Variants in AIFM3 observed in about 807,000 individuals in gnomAD.
AIFM3 encodes the protein apoptosis-inducing factor 3.
Under a neutral mutation model 82.7 loss-of-function variants are expected in AIFM3, and 71 were observed. That is an observed-to-expected ratio of 0.86 (90% CI 0.71 to 1.05). The LOEUF (loss-of-function observed/expected upper bound fraction) is 1.05. AIFM3 is among the 50% of genes least tolerant of loss of function. The pLI, the probability that AIFM3 is intolerant of heterozygous loss-of-function variation, is 0.00. For missense variants in AIFM3, 748 were observed against 816.7 expected (o/e 0.92, Z 1.03); for synonymous variants, 337 against 329.1 (o/e 1.02, Z -0.26).
chr22:20,980,383 G>A, intron 19 of AIFM3: 1 of 596,618 alleles, frequency 1.7e-6, no homozygotes, highest in East Asian at 2.8e-5. Context: ...AAGGGGTCAG[G>A]GCCCAATGCA....
chr22:20,979,718 T>C lies in AIFM3; in HGVS notation c.1652+16T>C. 1 of 1,614,044 alleles carries C rather than the reference T, an allele frequency of 6.2e-7. No homozygotes were observed. The highest frequency in any genetic ancestry group is 1.3e-5 in the African/African-American group (1 of 75,028). ...TTTACACTAAGTGAGAGCACCGGGG[T>C]GCAGCTTGGCGCGAAGCAGCGGGAG... is the stretch of plus-strand genomic sequence containing the variant. On this transcript the variant is annotated intron_variant, in intron 18 of 20. Coordinates refer to ENST00000440238, the MANE Select transcript of AIFM3 (RefSeq NM_001386814.1).
intron 4 of AIFM3, 68 bp from the exon 5 acceptor site, chr22:20,973,995 C>T: frequency 6.6e-7 from 1 of 1,518,216 alleles, no homozygotes; most frequent in Non-Finnish European, 8.9e-7. Context: ...CCCGCAGTTG[C>T]CGGGGCACTG....
At chr22:20,974,467 G>A in intron 6 of AIFM3, 58 bp from the exon 7 acceptor site, 1 of 1,579,336 alleles carries the variant, frequency 6.3e-7, no homozygotes, top group African/African-American at 1.3e-5. Context: ...GGACCTGCCT[G>A]CCAGGATGAT....
chr22:20,970,195 A>G (rs878938), intron 2 of AIFM3, among the ~76,000 whole-genome samples: 4,958 of 152,104 alleles, frequency 0.033, 289 homozygotes, highest in Admixed American at 0.14. Flanking sequence ...CTGCTGCCCA[A>G]CTCCATCTAT....
intron 1 of AIFM3, 52 bp from the exon 2 acceptor site, chr22:20,967,753 G>A (rs1922990075): frequency 1.6e-5 from 10 of 615,894 alleles, no homozygotes. Context: ...GTCCCTCTGT[G>A]TCTCTACCTG....
At chr22:20,965,969 ACT>A (rs760161400), upstream of AIFM3, among the ~76,000 whole-genome samples, 1 of 152,070 alleles carries the variant, frequency 6.6e-6, no homozygotes, top group Non-Finnish European at 1.5e-5. Context: ...GGCGCTCTGC[ACT>A]CTGGGGGTCC....
chr22:20,979,336 A>G lies in AIFM3; in HGVS notation c.1543A>G (p.Thr515Ala), dbSNP rs777807240. ...GATGAGCACTGTGCCCTACCTCTGG[A>G]CCGCCATGTTTGGCAAGAGCCTGCG... The part of the protein sequence containing the change: ...AEMSTVPYLW[T>A]AMFGKSLRYA... Residue 515 changes from threonine to alanine, a missense_variant, in exon 17 of 21, where the codon ACC becomes GCC. Coordinates refer to ENST00000440238, the MANE Select transcript of AIFM3 (RefSeq NM_001386814.1). 6.4e-7 allele frequency: 1 copy of G among 1,551,628 alleles called. No individual in the cohort carries two copies. Among genetic ancestry groups the G allele is most frequent in the Non-Finnish European group, 8.7e-7 (1 of 1,148,178 alleles).
intron 6 of AIFM3, 65 bp from the exon 7 acceptor site, chr22:20,974,460 C>T: frequency 6.4e-7 from 1 of 1,571,492 alleles, no homozygotes; most frequent in South Asian, 1.2e-5. Flanking sequence ...AGCGCCAGGA[C>T]CTGCCTGCCA....
upstream of AIFM3, chr22:20,965,354 C>G (rs899022682): frequency 2.6e-5 from 4 of 151,974 alleles, no homozygotes; most frequent in Non-Finnish European, 4.4e-5. Flanking sequence ...GGTTGGCAAG[C>G]GGGGCCAGAG....
Position 20,974,081 on chromosome 22 carries a change from G to A in AIFM3, c.374G>A (p.Arg125Gln), listed in dbSNP as rs1466471433. ...PLVKGVLSRGRVRCPWHGACF... is the reference protein window; with the variant it reads ...PLVKGVLSRGQVRCPWHGACF... Reference sequence around the variant, plus strand: ...TTCCCAGGCGTTCTGTCCCGTGGTCGGGTGCGCTGCCCCTGGCACGGCGCC... The same window carrying A: ...TTCCCAGGCGTTCTGTCCCGTGGTCAGGTGCGCTGCCCCTGGCACGGCGCC... Residue 125 changes from arginine (R) to glutamine (Q), a missense_variant, in exon 5 of 21, where the codon CGG (arginine) becomes CAG (glutamine). Physicochemically the swap from Arg to Gln is conservative, Grantham distance 43 (BLOSUM62 1). This residue lies in a region of AIFM3 where 148 missense variants were observed against 134.1 expected (regional missense o/e 1.10). Coordinates refer to ENST00000440238, the MANE Select transcript of AIFM3 (RefSeq NM_001386814.1). 6 of 1,610,522 alleles carry A rather than the reference G, an allele frequency of 3.7e-6. No homozygotes were observed. Among genetic ancestry groups the A allele is most frequent in the African/African-American group, 1.3e-5 (1 of 74,898 alleles).
In AIFM3 at chr22:20,977,999, G is replaced by A. The variant is rs1363812641; in HGVS notation, c.1471G>A (p.Ala491Thr). ...VNIPHWQMAHAQGRVAAQNML... is the reference protein window; with the variant it reads ...VNIPHWQMAHTQGRVAAQNML... ...CATTCCACATTGGCAGATGGCTCAT[G>A]CTCAGGGTATGGCCAGTCCCGAGGC... Residue 491 changes from alanine to threonine, a missense_variant, in exon 16 of 21, where the codon GCT becomes ACT. Physicochemically the swap from Ala to Thr is moderately conservative, Grantham distance 58. Transcript: ENST00000440238. The A allele has an allele frequency of 6.2e-7, 1 of 1,614,098 alleles. No homozygotes were observed. The highest frequency in any genetic ancestry group is 1.7e-5 in the Admixed American group (1 of 60,026).
chr22:20,967,195 G>T (rs112472055), upstream of AIFM3: 3,181 of 152,296 alleles, frequency 0.021, 42 homozygotes, highest in South Asian at 0.065. Context: ...GAGGGTGGAG[G>T]CTGGGCCGCC....
In AIFM3 at chr22:20,967,810, A is replaced by T; in HGVS notation, c.-135A>T. ...GGCTCCAGTCTCCCCTGCAGGTCCT[A>T]GAGCAGCTCCAGCAGGATGGCGGCT... On this transcript the variant is annotated 5_prime_UTR_variant, in exon 2 of 21. Coordinates refer to ENST00000440238, the MANE Select transcript of AIFM3 (RefSeq NM_001386814.1). 1 of 923,678 alleles carries T rather than the reference A, an allele frequency of 1.1e-6. No homozygotes were observed. The highest frequency in any genetic ancestry group is 1.6e-5 in the African/African-American group (1 of 61,278). The allele number at this position is 923,678 out of a possible 1,614,324, so 57.2% of individuals were successfully genotyped here.
At chr22:20,977,404 G>C (rs1923758944) in intron 14 of AIFM3, 1 of 601,866 alleles carries the variant, frequency 1.7e-6, no homozygotes, top group African/African-American at 1.9e-5. Context: ...AATTTGGGTA[G>C]GGGCCAAGAT....
intron 19 of AIFM3, 25 bp from the exon 20 acceptor site, chr22:20,980,722 G>T: frequency 6.2e-7 from 1 of 1,614,154 alleles, no homozygotes; most frequent in Non-Finnish European, 8.5e-7. Context: ...CCTTCTCTCC[G>T]TTTCTCTCTC....
intron 3 of AIFM3, 69 bp downstream of exon 3, chr22:20,973,589 CG>C: frequency 2.1e-6 from 3 of 1,410,342 alleles, no homozygotes; most frequent in Non-Finnish European, 2.9e-6. Flanking sequence ...GGGCCATAGC[CG>C]GGGGTCGGGG....
intron 2 of AIFM3, among the ~76,000 whole-genome samples, chr22:20,969,586 C>T (rs1263612156): frequency 4.6e-5 from 7 of 152,184 alleles, no homozygotes; most frequent in South Asian, 2.1e-4. Flanking sequence ...CCCGCCACCA[C>T]GCCCAGCTAT....
rs1923995462 is a variant in AIFM3 at position 20,980,114 on chromosome 22, CG to C, written c.1750del (p.Glu584ArgfsTer59). 3 of 1,607,562 alleles carry C rather than the reference CG, an allele frequency of 1.9e-6. No homozygotes were observed. The highest frequency in any genetic ancestry group is 2.2e-5 in the South Asian group (2 of 91,086). On this transcript the variant is annotated frameshift_variant, in exon 19 of 21. Transcript: ENST00000440238. LOFTEE classifies it high-confidence loss of function. ...GGCCTCAGGCCGTGCCATCCGGAAG[CG>C]GGAGGTGGAGTGAGTGTGGGTGTGG... ...VLASGRAIRKREVELFVLHSK... is the reference protein window; with the variant it reads ...VLASGRAIRKXEVELFVLHSK...
Position 20,968,082 on chromosome 22 carries a change from A to G in AIFM3, c.31+107A>G, listed in dbSNP as rs918509612. ...ACTCGGTAGGCCTCCGAAGTAGGTC[A>G]GGCTATCCAAGAACCCGCTCGGAAT... On this transcript the variant is annotated intron_variant, in intron 2 of 20. Coordinates refer to ENST00000440238, the MANE Select transcript of AIFM3 (RefSeq NM_001386814.1). 51 of 1,156,190 alleles carry G rather than the reference A, an allele frequency of 4.4e-5. 1 individual carries two copies. The African/African-American group carries it at 7.2e-4, about 16-fold the overall frequency. The allele number at this position is 1,156,190 out of a possible 1,614,324, so 71.6% of individuals were successfully genotyped here.
Sources: allele counts gnomAD v4.1 joint callset (sites outside exome capture counted in the v4.1 genomes callset), GRCh38; gene constraint gnomAD v4.1.1; regional missense constraint gnomAD v4.1.1; transcripts MANE v1.5; gene names NCBI Gene and HGNC (gene_info 2026-07-23, HGNC 2026-07-21).